Variants in LRRC69 observed in about 807,000 individuals in gnomAD.
LRRC69 encodes leucine-rich repeat-containing protein 69.
In LRRC69, 42 loss-of-function variants were observed where a neutral mutation model predicts 37.8. The observed-to-expected ratio is 1.11, with a 90% CI of 0.87 to 1.44. The LOEUF (loss-of-function observed/expected upper bound fraction) is 1.44. Ranked by LOEUF, LRRC69 falls within the 40% of genes most tolerant of loss-of-function variation. The pLI, the probability that LRRC69 is intolerant of heterozygous loss-of-function variation, is 0.00. For synonymous variants in LRRC69, 141 were observed against 143.1 expected, an observed-to-expected ratio of 0.99 and a Z score of 0.11; for missense variants, 357 against 401.9, an observed-to-expected ratio of 0.89 and a Z score of 0.96.
intron 5 of LRRC69, among the ~76,000 whole-genome samples, chr8:91,138,380 T>G (rs2130523686): frequency 6.6e-6 from 1 of 152,046 alleles, no homozygotes; most frequent in East Asian, 1.9e-4. Context: ...TTAAGTGTAC[T>G]CTTAACTCAA....
intron 1 of LRRC69, among the ~76,000 whole-genome samples, chr8:91,108,206 G>A (rs189570982): frequency 9.5e-4 from 145 of 152,168 alleles, no homozygotes; most frequent in Non-Finnish European, 1.8e-3. Context: ...CCAGATTTGA[G>A]TAGTTTATAA....
chr8:91,110,409 TG>T (rs1563592216), intron 1 of LRRC69, among the ~76,000 whole-genome samples: 1 of 151,912 alleles, frequency 6.6e-6, no homozygotes, highest in Non-Finnish European at 1.5e-5. Context: ...GAGGCTGAGG[TG>T]GTGGGGATCA....
intron 1 of LRRC69, 60 bp from the exon 2 acceptor site, chr8:91,124,433 T>C: frequency 7.4e-7 from 1 of 1,351,926 alleles, no homozygotes; most frequent in African/African-American, 1.5e-5. Flanking sequence ...TTAAATTATT[T>C]CTTTTTTTCA....
intron 1 of LRRC69, among the ~76,000 whole-genome samples, chr8:91,118,889 C>G (rs1022684114): frequency 2.0e-5 from 3 of 152,036 alleles, no homozygotes; most frequent in Non-Finnish European, 4.4e-5. Context: ...ACAATGTTGT[C>G]AAAGCATTCC....
chr8:91,210,033 T>TC (rs1200607160), intron 7 of LRRC69, among the ~76,000 whole-genome samples: 1 of 152,194 alleles, frequency 6.6e-6, no homozygotes, highest in African/African-American at 2.4e-5. Flanking sequence ...AGAAGCATTG[T>TC]CATAAAGCAT....
intron 1 of LRRC69, among the ~76,000 whole-genome samples, chr8:91,114,235 A>T (rs1291582941): frequency 6.6e-6 from 1 of 151,982 alleles, no homozygotes; most frequent in African/African-American, 2.4e-5. Context: ...TACAGTCATT[A>T]TGGAAAGAGT....
At chr8:91,129,939 CT>C (rs1178241761) in intron 3 of LRRC69, among the ~76,000 whole-genome samples, 1 of 151,676 alleles carries the variant, frequency 6.6e-6, no homozygotes, top group African/African-American at 2.4e-5. Flanking sequence ...ATATAATGGC[CT>C]TTTTTTTCTG....
intron 5 of LRRC69, among the ~76,000 whole-genome samples, chr8:91,180,204 C>G (rs1290459930): frequency 6.6e-6 from 1 of 152,114 alleles, no homozygotes; most frequent in African/African-American, 2.4e-5. Flanking sequence ...CTGGTTGGTT[C>G]TAGCTCAGGG....
chr8:91,133,063 A>T lies in LRRC69; in HGVS notation c.384-47A>T, dbSNP rs761778595. On this transcript the variant is annotated intron_variant, in intron 3 of 7. Transcript: ENST00000448384. ...AGTTGGGCCTATATAGTGGACTCTT[A>T]TTCTTGTGAGTTTCATTCATATACT... 1.1e-4 allele frequency: 129 copies of T among 1,227,214 alleles called. No individual in the cohort carries two copies. The East Asian group carries it at 3.1e-3, about 30-fold the overall frequency. 76.0% of individuals were successfully genotyped at this position (1,227,214 alleles called of 1,614,324 possible).
At chr8:91,218,813 A>G in intron 7 of LRRC69, 77 bp from the exon 8 acceptor site, 1 of 912,760 alleles carries the variant, frequency 1.1e-6, no homozygotes, top group Non-Finnish European at 1.6e-6. Context: ...GAAACCTCTG[A>G]GAAAGCAAAT....
intron 5 of LRRC69, among the ~76,000 whole-genome samples, chr8:91,173,030 C>T (rs1809161249): frequency 1.3e-5 from 2 of 151,952 alleles, no homozygotes; most frequent in Admixed American, 1.3e-4. Context: ...ATAATGCATT[C>T]TGATTCTTCT....
Position 91,191,502 on chromosome 8 carries a change from T to C in LRRC69, c.753+1879T>C, listed in dbSNP as rs563523817. Reference sequence around the variant, plus strand: ...CATTATTGACCACTTTTTATAGATATAGAAATGGAGATTCAGGGAGGTCAA... The same window carrying C: ...CATTATTGACCACTTTTTATAGATACAGAAATGGAGATTCAGGGAGGTCAA... On this transcript the variant is annotated intron_variant, in intron 6 of 7. Transcript: ENST00000448384. 5.6e-4 allele frequency among the ~76,000 whole-genome samples: 86 copies of C among 152,282 alleles called. 2 individuals carry two copies. The highest frequency in any genetic ancestry group is 5.4e-3 in the Admixed American group (82 of 15,294).
intron 5 of LRRC69, among the ~76,000 whole-genome samples, chr8:91,176,423 G>A (rs1163906629): frequency 6.6e-6 from 1 of 152,178 alleles, no homozygotes; most frequent in African/African-American, 2.4e-5. Flanking sequence ...GGAATTACAG[G>A]CATGAGCCAC....
exon 4 of LRRC69, chr8:91,133,165 A>G (rs1335974853): frequency 1.3e-6 from 2 of 1,541,742 alleles, no homozygotes; most frequent in Non-Finnish European, 1.7e-6. Context: ...CAGCATTCCT[A>G]GAGAACTTTG....
At chr8:91,187,073 C>T (rs1033636225) in intron 5 of LRRC69, among the ~76,000 whole-genome samples, 1 of 152,144 alleles carries the variant, frequency 6.6e-6, no homozygotes, top group Non-Finnish European at 1.5e-5. Context: ...CTCAAAGTTC[C>T]TTGAATCCTT....
chr8:91,129,101 T>G (rs1039593943), intron 3 of LRRC69, among the ~76,000 whole-genome samples: 1 of 152,044 alleles, frequency 6.6e-6, no homozygotes, highest in African/African-American at 2.4e-5. Context: ...GTTCATGGAC[T>G]TGGAGTCAAA....
In LRRC69 at chr8:91,172,046, A is replaced by G. The variant is rs143253423; in HGVS notation, c.652-17476A>G. Reference sequence around the variant, plus strand: ...ATGTATTATTCATACATGCTTTGTAATGTATCTTTTACATTTTATTGTAAA... The same window carrying G: ...ATGTATTATTCATACATGCTTTGTAGTGTATCTTTTACATTTTATTGTAAA... On this transcript the variant is annotated intron_variant, in intron 5 of 7. Transcript: ENST00000448384. Among the ~76,000 whole-genome samples, 823 of 152,044 alleles carry G rather than the reference A, an allele frequency of 5.4e-3. 11 individuals carry two copies. The highest frequency in any genetic ancestry group is 0.019 in the African/African-American group (798 of 41,536).
chr8:91,208,994 C>A (rs191517476), intron 7 of LRRC69, among the ~76,000 whole-genome samples: 2 of 152,278 alleles, frequency 1.3e-5, no homozygotes, highest in East Asian at 3.9e-4. Context: ...CTAATATGGG[C>A]TCAAGAATGA....
At chr8:91,110,350 T>A (rs1813387991) in intron 1 of LRRC69, among the ~76,000 whole-genome samples, 1 of 151,960 alleles carries the variant, frequency 6.6e-6, no homozygotes, top group Admixed American at 6.6e-5. Context: ...TTAAAAAGGT[T>A]TTATCTGGCC....
Sources: allele counts gnomAD v4.1 joint callset (sites outside exome capture counted in the v4.1 genomes callset), GRCh38; gene constraint gnomAD v4.1.1; transcripts MANE v1.5; gene names NCBI Gene and HGNC (gene_info 2026-07-23, HGNC 2026-07-21).